DPYD: variants seen among roughly 807,000 people sequenced by gnomAD.
DPYD encodes the protein dihydropyrimidine dehydrogenase, also known as dihydropyrimidine dehydrogenase [NADP(+)].
A neutral mutation model predicts 116.2 loss-of-function variants in DPYD; 109 were observed. The observed-to-expected ratio is 0.94, with a 90% CI of 0.80 to 1.10. The LOEUF is 1.10. DPYD is among the 50% of genes least tolerant of loss of function. The probability of loss-of-function intolerance (pLI) is 0.00; values close to 1 mark genes in which losing one functional copy is unlikely to be tolerated. For missense variants in DPYD, 1,302 were observed against 1,254.5 expected (o/e 1.04, Z -0.57); for synonymous variants, 440 against 432.0 (o/e 1.02, Z -0.23).
chr1:97,727,736 C>T (rs1417725363), intron 4 of DPYD, among the ~76,000 whole-genome samples: 1 of 151,792 alleles, frequency 6.6e-6, no homozygotes, highest in East Asian at 1.9e-4. Flanking sequence ...GATCTTAGTA[C>T]TCAGAGCCAA....
intron 18 of DPYD, among the ~76,000 whole-genome samples, chr1:97,240,765 A>G (rs1662281774): frequency 6.6e-6 from 1 of 151,916 alleles, no homozygotes; most frequent in African/African-American, 2.4e-5. Context: ...GAGGTGAGAG[A>G]TTGATTTTTA....
intron 5 of DPYD, among the ~76,000 whole-genome samples, chr1:97,719,438 G>A (rs1662799604): frequency 6.6e-6 from 1 of 151,770 alleles, no homozygotes; most frequent in African/African-American, 2.4e-5. Context: ...TGAAAAAATA[G>A]ATTTGTATTT....
At chr1:97,687,863 A>G (rs369284006) in intron 7 of DPYD, among the ~76,000 whole-genome samples, 7 of 152,206 alleles carry the variant, frequency 4.6e-5, no homozygotes, top group African/African-American at 1.7e-4. Flanking sequence ...TCCTCAGAAA[A>G]CTAACACAGA....
intron 8 of DPYD, among the ~76,000 whole-genome samples, chr1:97,632,391 C>T (rs1478487091): frequency 6.6e-6 from 1 of 152,090 alleles, no homozygotes; most frequent in African/African-American, 2.4e-5. Context: ...CTTAAGTAAA[C>T]AATCTTTCTG....
At chr1:97,615,078 C>A (rs867185598) in intron 8 of DPYD, among the ~76,000 whole-genome samples, 23 of 152,108 alleles carry the variant, frequency 1.5e-4, no homozygotes, top group African/African-American at 5.3e-4. Flanking sequence ...AGTTAGCACA[C>A]ATTTGGAAAC....
rs543732053 is a variant in DPYD, at chr1:97,740,231, G to T, written c.321+161C>A. Among the ~76,000 whole-genome samples, 11 of 152,222 alleles carry T rather than the reference G, an allele frequency of 7.2e-5. No individual in the cohort carries two copies. The East Asian group carries it at 2.1e-3, about 29-fold the overall frequency. On this transcript the variant is annotated intron_variant, in intron 4 of 22. Coordinates refer to ENST00000370192, the MANE Select transcript of DPYD (RefSeq NM_000110.4). ...TTTCATGATAAATCACAACTTGGAA[G>T]TGCTTAATTAATAAATGTGCCACAT...
rs141534956 is a variant in DPYD at position 97,529,503 on chromosome 1, T to A, written c.1525-13562A>T. Among the ~76,000 whole-genome samples the A allele has an allele frequency of 1.6e-3, 245 of 152,296 alleles. 1 individual carries two copies. The highest frequency in any genetic ancestry group is 5.7e-3 in the African/African-American group (236 of 41,558). Reference sequence around the variant, plus strand: ...TTTCCACAGCCTTATTGAGGTACAATCAGTCTACAATAAACATAATTAATG... The same window carrying A: ...TTTCCACAGCCTTATTGAGGTACAAACAGTCTACAATAAACATAATTAATG... On this transcript the variant is annotated intron_variant, in intron 12 of 22. Coordinates refer to ENST00000370192, the MANE Select transcript of DPYD (RefSeq NM_000110.4).
At chr1:97,650,527 TG>T (rs1487579033) in intron 8 of DPYD, among the ~76,000 whole-genome samples, 4 of 152,156 alleles carry the variant, frequency 2.6e-5, no homozygotes, top group Non-Finnish European at 4.4e-5. Flanking sequence ...AAAAAAGACA[TG>T]TTTTTCCCAT....
chr1:97,158,765 A>G (rs887479581), intron 20 of DPYD, among the ~76,000 whole-genome samples: 2 of 152,112 alleles, frequency 1.3e-5, no homozygotes, highest in Admixed American at 1.3e-4. Flanking sequence ...ACAGAGAGGG[A>G]GCACCAGATT....
chr1:97,542,358 C>T (rs1312969715), intron 12 of DPYD, among the ~76,000 whole-genome samples: 1 of 152,096 alleles, frequency 6.6e-6, no homozygotes, highest in East Asian at 1.9e-4. Context: ...AGCAGAACAA[C>T]AAAAGGTTTT....
chr1:97,261,133 G>A lies in DPYD; in HGVS notation c.2300-26139C>T, dbSNP rs150058480. On this transcript the variant is annotated intron_variant, in intron 18 of 22. Coordinates refer to ENST00000370192, the MANE Select transcript of DPYD (RefSeq NM_000110.4). ...AGACTTAGTCTAGAATTGTGAAGACGTATGACAAACACATGACAAACAAGT... is the reference window on the plus strand; with the variant it reads ...AGACTTAGTCTAGAATTGTGAAGACATATGACAAACACATGACAAACAAGT... 2.4e-3 allele frequency among the ~76,000 whole-genome samples: 360 copies of A among 152,190 alleles called. 2 individuals are homozygous for A. Among genetic ancestry groups the A allele is most frequent in the African/African-American group, 8.0e-3 (331 of 41,552 alleles).
chr1:97,096,217 C>G (rs1454561537), intron 21 of DPYD, among the ~76,000 whole-genome samples: 2 of 152,040 alleles, frequency 1.3e-5, no homozygotes, highest in Admixed American at 1.3e-4. Flanking sequence ...TAATGATCTA[C>G]AGGCTTTCAT....
intron 18 of DPYD, among the ~76,000 whole-genome samples, chr1:97,273,389 G>A (rs1286447029): frequency 6.6e-6 from 1 of 152,114 alleles, no homozygotes; most frequent in Non-Finnish European, 1.5e-5. Flanking sequence ...TTGAGGCACA[G>A]ACTAGCTCTT....
chr1:97,805,589 G>A (rs918045909), intron 3 of DPYD, among the ~76,000 whole-genome samples: 1 of 151,706 alleles, frequency 6.6e-6, no homozygotes, highest in Non-Finnish European at 1.5e-5. Flanking sequence ...AATGTAGTAA[G>A]TCACAGGAGG....
chr1:97,617,925 C>T (rs945149757), intron 8 of DPYD, among the ~76,000 whole-genome samples: 1 of 152,186 alleles, frequency 6.6e-6, no homozygotes, highest in Non-Finnish European at 1.5e-5. Flanking sequence ...AAGTCTCAAG[C>T]TGCCTTCTCT....
chr1:97,681,202 T>A (rs1386711498), intron 7 of DPYD, among the ~76,000 whole-genome samples: 1 of 152,280 alleles, frequency 6.6e-6, no homozygotes, highest in South Asian at 2.1e-4. Context: ...TGCAGTCAAA[T>A]ACATAGTCTA....
chr1:97,183,878 G>A (rs6656968), intron 20 of DPYD, among the ~76,000 whole-genome samples: 19,882 of 151,900 alleles, frequency 0.13, 1,575 homozygotes, highest in East Asian at 0.39. Context: ...TAAGCATAGT[G>A]CCCAGTAGTT....
intron 2 of DPYD, among the ~76,000 whole-genome samples, chr1:97,861,966 A>C (rs1476059376): frequency 6.6e-6 from 1 of 151,946 alleles, no homozygotes; most frequent in East Asian, 1.9e-4. Flanking sequence ...AAATAAAACA[A>C]AGATGTCATA....
chr1:97,908,419 C>T (rs1365526420), intron 1 of DPYD, among the ~76,000 whole-genome samples: 2 of 151,946 alleles, frequency 1.3e-5, no homozygotes, highest in African/African-American at 4.8e-5. Context: ...GTGCTTCTGT[C>T]ATCTACCAAC....
Sources: gnomAD v4.1 joint callset for allele counts (sites outside exome capture counted in the v4.1 genomes callset) on GRCh38, gnomAD v4.1.1 for gene constraint, MANE v1.5 for transcripts, NCBI Gene and HGNC (gene_info 2026-07-23, HGNC 2026-07-21) for gene names.